Variants in JPH2 observed in about 807,000 individuals in gnomAD.
JPH2 encodes junctophilin 2.
In JPH2, 38 loss-of-function variants were observed where a neutral mutation model predicts 55.9. The observed-to-expected ratio is 0.68, with a 90% CI of 0.52 to 0.89. JPH2 has a LOEUF of 0.89. Among genes scored for constraint, JPH2 ranks in the 40% least tolerant of loss-of-function variants. The pLI, the probability that JPH2 is intolerant of heterozygous loss-of-function variation, is 0.00. For missense variants in JPH2, 964 were observed against 1,037.6 expected (o/e 0.93, Z 0.97); for synonymous variants, 480 against 472.4 (o/e 1.02, Z -0.21).
chr20:44,116,718 C>T (rs753443126), intron 3 of JPH2, among the ~76,000 whole-genome samples: 5 of 152,212 alleles, frequency 3.3e-5, no homozygotes, highest in African/African-American at 7.2e-5. Context: ...CTTTGGCACG[C>T]GTCTCTTTCC....
At chr20:44,175,630 G>A (rs1279488380) in intron 1 of JPH2, among the ~76,000 whole-genome samples, 1 of 152,194 alleles carries the variant, frequency 6.6e-6, no homozygotes, top group East Asian at 1.9e-4. Context: ...GCGGGTGGAT[G>A]ACAAGTCCCT....
In JPH2 at chr20:44,141,653, G is replaced by A. The variant is rs1204389653; in HGVS notation, c.1169+17965C>T. Among the ~76,000 whole-genome samples the A allele has an allele frequency of 3.3e-5, 5 of 152,018 alleles. 1 individual carries two copies. Among genetic ancestry groups the A allele is most frequent in the South Asian group, 4.2e-4 (2 of 4,800 alleles). On this transcript the variant is annotated intron_variant, in intron 2 of 5. Coordinates refer to ENST00000372980, the MANE Select transcript of JPH2 (RefSeq NM_020433.5). ...TGGGACTACAGGTGCATGCTACCACGCCTAGCTAATATTTTTATTTTTTTA... is the reference window on the plus strand; with the variant it reads ...TGGGACTACAGGTGCATGCTACCACACCTAGCTAATATTTTTATTTTTTTA...
At chr20:44,148,864 C>T (rs2072510750) in intron 2 of JPH2, among the ~76,000 whole-genome samples, 1 of 152,010 alleles carries the variant, frequency 6.6e-6, no homozygotes, top group Admixed American at 6.6e-5. Flanking sequence ...GAGATCGAGA[C>T]CATCCTGGCT....
At chr20:44,123,667 T>C (rs1204275873) in intron 2 of JPH2, among the ~76,000 whole-genome samples, 2 of 152,200 alleles carry the variant, frequency 1.3e-5, no homozygotes, top group African/African-American at 4.8e-5. Flanking sequence ...CCTAATGCAG[T>C]CCGTGACCCC....
In JPH2 at chr20:44,163,821, G is replaced by A. The variant is rs189763971; in HGVS notation, c.380-3414C>T. Among the ~76,000 whole-genome samples, 264 of 152,274 alleles carry A rather than the reference G, an allele frequency of 1.7e-3. 6 individuals are homozygous for A. The East Asian group carries it at 0.028, about 16-fold the overall frequency. On this transcript the variant is annotated intron_variant, in intron 1 of 5. Coordinates refer to ENST00000372980, the MANE Select transcript of JPH2 (RefSeq NM_020433.5). ...ATTCCTGTTTATTCTGTTGGAAAAG[G>A]TCCCTAGTGCTTCCAGCCCCTCTGG...
intron 2 of JPH2, among the ~76,000 whole-genome samples, chr20:44,143,332 C>G (rs376510739): frequency 6.6e-6 from 1 of 152,118 alleles, no homozygotes; most frequent in Non-Finnish European, 1.5e-5. Flanking sequence ...TAGTTTCCCC[C>G]GTAGCTGTGG....
rs761140357 is a variant in JPH2 at position 44,186,709 on chromosome 20, A to T, written c.-4T>A. 9.4e-6 allele frequency: 15 copies of T among 1,587,742 alleles called. No homozygotes were observed. The Admixed American group carries it at 1.5e-4, about 16-fold the overall frequency. On this transcript the variant is annotated 5_prime_UTR_variant, in exon 1 of 6. It removes an upstream start codon present in the reference 5' UTR. Coordinates refer to ENST00000372980, the MANE Select transcript of JPH2 (RefSeq NM_020433.5). ...AGTCGAAGCGGCCCCCACTCATCTC[A>T]TCATAGCCCCTGACAACCTCCCCGT...
intron 1 of JPH2, among the ~76,000 whole-genome samples, chr20:44,164,359 C>A (rs1362308839): frequency 6.6e-6 from 1 of 152,102 alleles, no homozygotes; most frequent in Non-Finnish European, 1.5e-5. Context: ...TGGGCAAGTT[C>A]CTTCTTTTGA....
rs1487293595 is a variant in JPH2 at position 44,110,962 on chromosome 20, G to A, written c.*2556C>T. Among the ~76,000 whole-genome samples the A allele has an allele frequency of 6.6e-6, 1 of 152,174 alleles. No individual in the cohort carries two copies. On this transcript the variant is annotated 3_prime_UTR_variant, in exon 6 of 6. Transcript: ENST00000372980. ...GAACTCGAGCCTACTGTTGGTTGAG[G>A]GACCTTCTTCTCCAACCCCCTCGCT... is the stretch of plus-strand genomic sequence containing the variant.
At position 44,115,866 on chromosome 20, in the gene JPH2, C is replaced by A; in HGVS notation, c.1809G>T (p.Pro603=). Residue 603 remains proline (P), a synonymous_variant, in exon 4 of 6, where the codon CCG becomes CCT. Transcript: ENST00000372980. ...ESAPSSPATA[P]LQAPTLRGPE... is the part of the protein sequence containing the mutation. The stretch of plus-strand genomic sequence containing the variant: ...GGCCTCGGAGCGTGGGGGCCTGCAG[C>A]GGGGCGGTGGCCGGGGACGAGGGCG... 1 of 1,585,552 alleles carries A rather than the reference C, an allele frequency of 6.3e-7. No homozygotes were observed.
chr20:44,110,225 TAC>T lies in JPH2; in HGVS notation c.*3291_*3292del, dbSNP rs138602954. On this transcript the variant is annotated 3_prime_UTR_variant, in exon 6 of 6. Coordinates refer to ENST00000372980, the MANE Select transcript of JPH2 (RefSeq NM_020433.5). ...CCCCAACTCATCCAACACACACACA[TAC>T]ACACACACACACAGACACACCCCAT... Among the ~76,000 whole-genome samples the T allele has an allele frequency of 4.0e-5, 6 of 149,970 alleles. No homozygotes were observed. The highest frequency in any genetic ancestry group is 4.9e-5 in the African/African-American group (2 of 40,898).
chr20:44,137,144 AC>A (rs2072418560), intron 2 of JPH2, among the ~76,000 whole-genome samples: 4 of 152,214 alleles, frequency 2.6e-5, no homozygotes, highest in Admixed American at 2.6e-4. Flanking sequence ...TTTTGTTATC[AC>A]TACTTAGCGG....
chr20:44,169,092 A>G (rs1238885268), intron 1 of JPH2, among the ~76,000 whole-genome samples: 2 of 151,896 alleles, frequency 1.3e-5, no homozygotes, highest in Non-Finnish European at 2.9e-5. Flanking sequence ...TCAGAGGTAG[A>G]TGCTCCACCT....
At chr20:44,119,288 G>C (rs1478468676) in intron 2 of JPH2, among the ~76,000 whole-genome samples, 1 of 152,158 alleles carries the variant, frequency 6.6e-6, no homozygotes, top group Non-Finnish European at 1.5e-5. Flanking sequence ...CATATAATAT[G>C]ACATGAAAAT....
At position 44,151,256 on chromosome 20, in the gene JPH2, C is replaced by T. The variant is rs147296029; in HGVS notation, c.1169+8362G>A. ...AGTTGGCTGGGCACAGTGGCTCACG[C>T]CTGTAATCCCAGCACTGTGGGAGGT... is the stretch of plus-strand genomic sequence containing the variant. On this transcript the variant is annotated intron_variant, in intron 2 of 5. Transcript: ENST00000372980. Among the ~76,000 whole-genome samples the T allele has an allele frequency of 9.6e-3, 1,469 of 152,320 alleles. 19 individuals carry two copies. The highest frequency in any genetic ancestry group is 0.014 in the Non-Finnish European group (957 of 68,032).
At chr20:44,141,471 A>G (rs565401199) in intron 2 of JPH2, among the ~76,000 whole-genome samples, 1 of 151,880 alleles carries the variant, frequency 6.6e-6, no homozygotes, top group South Asian at 2.1e-4. Flanking sequence ...TGATCACATC[A>G]TGTGAGAAAA....
At chr20:44,157,518 G>T (rs533679576) in intron 2 of JPH2, among the ~76,000 whole-genome samples, 186 of 152,246 alleles carry the variant, frequency 1.2e-3, no homozygotes, top group African/African-American at 4.4e-3. Context: ...TTTCCTGCAT[G>T]TTAATCTTCA....
At chr20:44,172,048 G>A (rs2072703080) in intron 1 of JPH2, among the ~76,000 whole-genome samples, 1 of 152,188 alleles carries the variant, frequency 6.6e-6, no homozygotes, top group Non-Finnish European at 1.5e-5. Context: ...AGTGAGCATA[G>A]CAAGTTTCCT....
At chr20:44,177,296 A>T in intron 1 of JPH2, 1 of 985,910 alleles carries the variant, frequency 1.0e-6, no homozygotes, top group Non-Finnish European at 1.2e-6. Context: ...TCAGAAAATG[A>T]GACTCGGCAT....
Sources: allele counts gnomAD v4.1 joint callset (sites outside exome capture counted in the v4.1 genomes callset), GRCh38; gene constraint gnomAD v4.1.1; transcripts MANE v1.5; gene names NCBI Gene and HGNC (gene_info 2026-07-23, HGNC 2026-07-21).